Variants in MYO9A observed in about 807,000 individuals in gnomAD.
MYO9A encodes the protein myosin IXA, also known as unconventional myosin-IXa.
A neutral mutation model predicts 293.3 loss-of-function variants in MYO9A; 103 were observed. The ratio of observed to expected loss-of-function variants is 0.35; its 90% CI spans 0.30 to 0.41. The LOEUF (loss-of-function observed/expected upper bound fraction) is 0.41. Among genes scored for constraint, MYO9A ranks in the 10% least tolerant of loss-of-function variants. MYO9A has a pLI of 1.00. For missense variants in MYO9A, 2,685 were observed against 3,033.0 expected, an observed-to-expected ratio of 0.89 and a Z score of 2.69; for synonymous variants, 1,001 against 1,035.7, an observed-to-expected ratio of 0.97 and a Z score of 0.64.
At chr15:71,930,959 C>T (rs1159276520) in intron 18 of MYO9A, among the ~76,000 whole-genome samples, 2 of 152,164 alleles carry the variant, frequency 1.3e-5, no homozygotes, top group Non-Finnish European at 2.9e-5. Context: ...ATAAACCCTA[C>T]ACTTTTACTC....
rs2055504133 is a variant in MYO9A, at chr15:71,848,828, C to T, written c.6837+17G>A. On this transcript the variant is annotated intron_variant, in intron 39 of 41. Transcript: ENST00000356056. ...GACAACTCCCATTTTTCCACTATTC[C>T]ATGTGTTGCATCTTACCATTGATCT... is the stretch of plus-strand genomic sequence containing the variant. The T allele has an allele frequency of 6.3e-7, 1 of 1,595,064 alleles. No homozygotes were observed. Among genetic ancestry groups the T allele is most frequent in the African/African-American group, 1.4e-5 (1 of 73,834 alleles).
At position 71,968,098 on chromosome 15, in the gene MYO9A, CAA is replaced by C; in HGVS notation, c.1870_1871del (p.Leu624AlafsTer5). The C allele has an allele frequency of 6.3e-7, 1 of 1,598,086 alleles. No homozygotes were observed. The highest frequency in any genetic ancestry group is 8.5e-7 in the Non-Finnish European group (1 of 1,172,084). On this transcript the variant is annotated frameshift_variant, in exon 13 of 42. Coordinates refer to ENST00000356056, the MANE Select transcript of MYO9A (RefSeq NM_006901.4). LOFTEE classifies it high-confidence loss of function. ...SNFPQATNQT[L>X]LDKFKHQHED... is the part of the protein sequence containing the mutation. ...CATGTTGATGCTTAAACTTGTCTAG[CAA>C]TGTTTGATTTGTAGCCTGTGGAAAG...
rs561725714 is a variant in MYO9A at position 72,024,345 on chromosome 15, A to C, written c.999-3328T>G. On this transcript the variant is annotated intron_variant, in intron 4 of 41. Transcript: ENST00000356056. ...GTTGCCCAGGCTGGAGTGCAGTGGC[A>C]TGATCTCGACTCACTGCAACCTCTA... Among the ~76,000 whole-genome samples the C allele has an allele frequency of 4.5e-4, 69 of 152,308 alleles. 1 individual carries two copies. In the South Asian group the frequency reaches 0.014, roughly 31 times the overall value.
chr15:71,890,780 G>C (rs919831104), intron 26 of MYO9A: 1 of 151,876 alleles, frequency 6.6e-6, no homozygotes, highest in Admixed American at 6.6e-5. Flanking sequence ...CATTAGATTG[G>C]GTTACTTCAC....
At chr15:71,928,053 TA>T (rs1451266822) in intron 18 of MYO9A, among the ~76,000 whole-genome samples, 34 of 12,268 alleles carry the variant, frequency 2.8e-3, no homozygotes, top group Non-Finnish European at 6.8e-3. Flanking sequence ...TATATATATA[TA>T]TATTTTTTTT....
At chr15:72,078,165 G>A (rs1596523542) in intron 1 of MYO9A, among the ~76,000 whole-genome samples, 1 of 152,120 alleles carries the variant, frequency 6.6e-6, no homozygotes, top group East Asian at 1.9e-4. Context: ...TACCAACCAT[G>A]CTCACTGGTA....
At position 71,944,789 on chromosome 15, in the gene MYO9A, T is replaced by C. The variant is rs28830268; in HGVS notation, c.2303-5862A>G. On this transcript the variant is annotated intron_variant, in intron 15 of 41. Transcript: ENST00000356056. ...ATGTAAATTATCCAGCTTTGTTCTG[T>C]TTAAAAATTGTTTTGGACAGTCTGG... is the stretch of plus-strand genomic sequence containing the variant. Among the ~76,000 whole-genome samples the C allele has an allele frequency of 5.6e-3, 860 of 152,310 alleles. 12 individuals carry two copies. Among genetic ancestry groups the C allele is most frequent in the African/African-American group, 0.02 (814 of 41,580 alleles).
intron 1 of MYO9A, among the ~76,000 whole-genome samples, chr15:72,107,178 T>C (rs1159674968): frequency 1.3e-5 from 2 of 152,152 alleles, no homozygotes; most frequent in African/African-American, 2.4e-5. Flanking sequence ...ATATCATGCT[T>C]TTTACTCCCT....
chr15:71,896,406 C>T (rs892723788), intron 25 of MYO9A, among the ~76,000 whole-genome samples: 4 of 152,104 alleles, frequency 2.6e-5, no homozygotes, highest in African/African-American at 7.2e-5. Flanking sequence ...CAAGTATCTT[C>T]AATTTTGTTA....
chr15:71,943,769 C>T (rs1234420416), intron 15 of MYO9A, among the ~76,000 whole-genome samples: 2 of 152,028 alleles, frequency 1.3e-5, no homozygotes, highest in Non-Finnish European at 2.9e-5. Context: ...GAACTTTATA[C>T]AGATGGAATA....
chr15:71,852,339 C>T, intron 35 of MYO9A, 79 bp from the exon 36 acceptor site: 1 of 1,013,350 alleles, frequency 9.9e-7, no homozygotes, highest in Non-Finnish European at 1.4e-6. Flanking sequence ...AAACTATCAT[C>T]ATTAAAGGAA....
intron 2 of MYO9A, among the ~76,000 whole-genome samples, chr15:72,035,919 G>A (rs905674914): frequency 1.3e-5 from 2 of 152,176 alleles, no homozygotes; most frequent in African/African-American, 2.4e-5. Context: ...AAGGATGGCA[G>A]GGCAGAGGGT....
At chr15:72,101,061 G>A (rs2080285688) in intron 1 of MYO9A, among the ~76,000 whole-genome samples, 3 of 144,310 alleles carry the variant, frequency 2.1e-5, no homozygotes, top group African/African-American at 7.5e-5. Flanking sequence ...CGTCAGGGAG[G>A]GAGGTGGGGG....
chr15:71,980,738 T>C (rs1373852611), intron 11 of MYO9A, among the ~76,000 whole-genome samples: 1 of 152,146 alleles, frequency 6.6e-6, no homozygotes, highest in Non-Finnish European at 1.5e-5. Flanking sequence ...CTTGGGAGGC[T>C]GAGGCAAGAC....
At chr15:72,052,356 G>GCTATTCTATCA (rs1314212603) in intron 1 of MYO9A, among the ~76,000 whole-genome samples, 8 of 152,162 alleles carry the variant, frequency 5.3e-5, no homozygotes, top group Admixed American at 1.3e-4. Flanking sequence ...TCTCCTCTGA[G>GCTATTCTATCA]CTATTCTATC....
chr15:71,936,508 G>T lies in MYO9A; in HGVS notation c.2379-1024C>A, dbSNP rs187603950. 6.6e-5 allele frequency among the ~76,000 whole-genome samples: 10 copies of T among 152,104 alleles called. No homozygotes were observed. In the East Asian group the frequency reaches 1.9e-3, roughly 29 times the overall value. On this transcript the variant is annotated intron_variant, in intron 16 of 41. Coordinates refer to ENST00000356056, the MANE Select transcript of MYO9A (RefSeq NM_006901.4). ...AGAAATGTTCCCACCACAAAAAAAT[G>T]ACACATATTTGAGACGACGAATATG...
chr15:71,898,496 T>C lies in MYO9A; in HGVS notation c.4007A>G (p.Tyr1336Cys). Residue 1336 changes from tyrosine (Y) to cysteine (C), a missense_variant, in exon 25 of 42, where the codon TAT becomes TGT. This residue lies in a region of MYO9A where 1,434 missense variants were observed against 1,497.7 expected (regional missense o/e 0.96). Transcript: ENST00000356056. ...SSQGSLELLS[Y>C]EESQKSKLES... The stretch of plus-strand genomic sequence containing the variant: ...TAGTTTGCTCTTTTGGCTTTCCTCA[T>C]AGCTCAGAAGTTCCAAGCTTCCTTG... 1.2e-6 allele frequency: 2 copies of C among 1,614,088 alleles called. No homozygotes were observed. The highest frequency in any genetic ancestry group is 1.7e-6 in the Non-Finnish European group (2 of 1,180,034).
chr15:72,005,213 G>T (rs2076981645), intron 8 of MYO9A, among the ~76,000 whole-genome samples: 2 of 152,148 alleles, frequency 1.3e-5, no homozygotes, highest in African/African-American at 4.8e-5. Flanking sequence ...AGAAGCCAGG[G>T]TTCAAAAGTA....
At chr15:72,011,633 ATAC>A (rs1466117082) in intron 6 of MYO9A, among the ~76,000 whole-genome samples, 1 of 152,110 alleles carries the variant, frequency 6.6e-6, no homozygotes, top group Non-Finnish European at 1.5e-5. Flanking sequence ...AGATTAATAA[ATAC>A]TACTTTTTAA....
Sources: gnomAD v4.1 joint callset for allele counts (sites outside exome capture counted in the v4.1 genomes callset) on GRCh38, gnomAD v4.1.1 for gene constraint, gnomAD v4.1.1 regional missense constraint, MANE v1.5 for transcripts, NCBI Gene and HGNC (gene_info 2026-07-23, HGNC 2026-07-21) for gene names.